Variants in ATXN1 observed in about 807,000 individuals in gnomAD.
ATXN1 encodes ataxin 1.
ATXN1 carries 8 observed loss-of-function variants against 56.4 expected under a neutral mutation model. The observed-to-expected ratio is 0.14, with a 90% CI of 0.08 to 0.26. The LOEUF is 0.26. Among genes scored for constraint, ATXN1 ranks in the 10% least tolerant of loss-of-function variants. The probability of loss-of-function intolerance (pLI) is 1.00; values close to 1 mark genes in which losing one functional copy is unlikely to be tolerated. For synonymous variants in ATXN1, 514 were observed against 494.6 expected (o/e 1.04, Z -0.52); for missense variants, 987 against 1,106.5 (o/e 0.89, Z 1.53).
intron 1 of ATXN1, among the ~76,000 whole-genome samples, chr6:16,755,372 A>T (rs1169688629): frequency 6.6e-6 from 1 of 152,208 alleles, no homozygotes; most frequent in African/African-American, 2.4e-5. Context: ...AAAATAATTT[A>T]TAGGACATTT....
At chr6:16,508,213 C>T (rs1761015919) in intron 5 of ATXN1, among the ~76,000 whole-genome samples, 1 of 152,132 alleles carries the variant, frequency 6.6e-6, no homozygotes, top group African/African-American at 2.4e-5. Flanking sequence ...AACGATACTA[C>T]ATGACCTGCC....
In ATXN1 at chr6:16,466,360, G is replaced by A. The variant is rs547138011; in HGVS notation, c.-161+19612C>T. 6.0e-3 allele frequency among the ~76,000 whole-genome samples: 791 copies of A among 131,684 alleles called. 5 individuals are homozygous for A. Among genetic ancestry groups the A allele is most frequent in the African/African-American group, 0.021 (746 of 34,766 alleles). 86.4% of individuals were successfully genotyped at this position (131,684 alleles called of 152,430 possible). On this transcript the variant is annotated intron_variant, in intron 6 of 7. Transcript: ENST00000436367. ...AAAAAAAAAAAAAAAAGGCCTAAAT[G>A]TCAGGAGGGAACCCAAGAGGATAAC...
chr6:16,748,747 T>C (rs1760617550), intron 2 of ATXN1, among the ~76,000 whole-genome samples: 1 of 152,218 alleles, frequency 6.6e-6, no homozygotes, highest in Non-Finnish European at 1.5e-5. Context: ...CTCTTGTTCC[T>C]GTCTTAACCT....
intron 4 of ATXN1, among the ~76,000 whole-genome samples, chr6:16,536,237 TAATAA>T (rs1415199836): frequency 6.6e-6 from 1 of 151,790 alleles, no homozygotes; most frequent in Non-Finnish European, 1.5e-5. Context: ...ATAATAATAG[TAATAA>T]TAAAATAAAA....
intron 4 of ATXN1, among the ~76,000 whole-genome samples, chr6:16,580,441 G>A (rs1762508208): frequency 6.6e-6 from 1 of 152,190 alleles, no homozygotes; most frequent in African/African-American, 2.4e-5. Context: ...TGAGTAGTAT[G>A]GTTTGCCAAC....
chr6:16,429,981 A>G (rs1759245117), intron 6 of ATXN1, among the ~76,000 whole-genome samples: 1 of 152,210 alleles, frequency 6.6e-6, no homozygotes, highest in Admixed American at 6.5e-5. Flanking sequence ...CTTGCCACTC[A>G]GGCAAAATCA....
chr6:16,355,433 A>C (rs1761664865), intron 6 of ATXN1, among the ~76,000 whole-genome samples: 1 of 152,206 alleles, frequency 6.6e-6, no homozygotes, highest in Non-Finnish European at 1.5e-5. Flanking sequence ...CTAAGCGAAG[A>C]CACAAACAAG....
chr6:16,658,863 C>G (rs1336320993), intron 2 of ATXN1, among the ~76,000 whole-genome samples: 1 of 152,192 alleles, frequency 6.6e-6, no homozygotes, highest in Non-Finnish European at 1.5e-5. Flanking sequence ...ATACTTGTAA[C>G]CCTAAACTCC....
intron 6 of ATXN1, among the ~76,000 whole-genome samples, chr6:16,420,489 A>G (rs976545506): frequency 1.3e-5 from 2 of 152,212 alleles, no homozygotes; most frequent in African/African-American, 4.8e-5. Flanking sequence ...AGAAGACTGA[A>G]GAGGTGAAGC....
intron 4 of ATXN1, among the ~76,000 whole-genome samples, chr6:16,558,118 A>C (rs149418089): frequency 1.3e-5 from 2 of 151,998 alleles, no homozygotes; most frequent in African/African-American, 4.8e-5. Context: ...AATTCTATGA[A>C]TAGATTAAAA....
At chr6:16,395,705 G>T (rs1758441215) in intron 6 of ATXN1, among the ~76,000 whole-genome samples, 1 of 152,060 alleles carries the variant, frequency 6.6e-6, no homozygotes, top group South Asian at 2.1e-4. Context: ...TTTGAGAGTG[G>T]ACTCTTTCTA....
At chr6:16,505,726 C>T (rs1329615117) in intron 5 of ATXN1, among the ~76,000 whole-genome samples, 1 of 152,122 alleles carries the variant, frequency 6.6e-6, no homozygotes, top group African/African-American at 2.4e-5. Context: ...GCTCCGATAA[C>T]AATAGCACTC....
At chr6:16,359,294 G>A (rs1283186473) in intron 6 of ATXN1, among the ~76,000 whole-genome samples, 1 of 152,172 alleles carries the variant, frequency 6.6e-6, no homozygotes, top group Admixed American at 6.5e-5. Context: ...GACTCGTGGT[G>A]CCTCTTCCGT....
intron 4 of ATXN1, among the ~76,000 whole-genome samples, chr6:16,552,435 T>C (rs1761938019): frequency 6.6e-6 from 1 of 152,230 alleles, no homozygotes; most frequent in Admixed American, 6.5e-5. Context: ...GAAAAAATAT[T>C]GTGCACAACG....
intron 6 of ATXN1, among the ~76,000 whole-genome samples, chr6:16,389,400 C>T (rs9464891): frequency 0.14 from 21,277 of 150,696 alleles, 1,793 homozygotes; most frequent in African/African-American, 0.23. Flanking sequence ...AGCAAATATA[C>T]ACGGAAAATT....
chr6:16,319,085 G>T (rs770233651), intron 7 of ATXN1, among the ~76,000 whole-genome samples: 1 of 152,026 alleles, frequency 6.6e-6, no homozygotes, highest in Non-Finnish European at 1.5e-5. Context: ...GGGCGTGGTG[G>T]TGTGTACTTG....
intron 4 of ATXN1, among the ~76,000 whole-genome samples, chr6:16,548,584 A>G (rs1214449104): frequency 1.3e-5 from 2 of 152,198 alleles, no homozygotes; most frequent in Non-Finnish European, 2.9e-5. Context: ...TATTCAATAA[A>G]CATTTTTCTA....
intron 4 of ATXN1, among the ~76,000 whole-genome samples, chr6:16,579,590 A>AAGTC (rs1237152278): frequency 6.6e-6 from 1 of 150,998 alleles, no homozygotes; most frequent in Non-Finnish European, 1.5e-5. Flanking sequence ...TCCGTCAGTC[A>AAGTC]AGTCAAGCAC....
chr6:16,404,654 G>T (rs1758646503), intron 6 of ATXN1, among the ~76,000 whole-genome samples: 2 of 151,798 alleles, frequency 1.3e-5, no homozygotes, highest in Admixed American at 6.5e-5. Context: ...GCTGTCCCCA[G>T]CCCCCACCAC....
Sources: gnomAD v4.1 joint callset for allele counts (sites outside exome capture counted in the v4.1 genomes callset) on GRCh38, gnomAD v4.1.1 for gene constraint, MANE v1.5 for transcripts, NCBI Gene and HGNC (gene_info 2026-07-23, HGNC 2026-07-21) for gene names.